Variants in MEI4 observed in about 807,000 individuals in gnomAD.
MEI4 encodes meiosis-specific protein MEI4.
Under a neutral mutation model 31.4 loss-of-function variants are expected in MEI4, and 27 were observed. That is an observed-to-expected ratio of 0.86 (90% CI 0.63 to 1.19). The LOEUF (loss-of-function observed/expected upper bound fraction) is 1.19. MEI4 is among the 50% of genes most tolerant of loss of function. The probability of loss-of-function intolerance (pLI) is 0.00; values close to 1 mark genes in which losing one functional copy is unlikely to be tolerated. For synonymous variants in MEI4, 122 were observed against 145.4 expected, an observed-to-expected ratio of 0.84 and a Z score of 1.16; for missense variants, 329 against 398.9, an observed-to-expected ratio of 0.82 and a Z score of 1.49.
intron 4 of MEI4, among the ~76,000 whole-genome samples, chr6:77,907,724 A>G (rs537730671): frequency 1.1e-4 from 16 of 152,238 alleles, no homozygotes; most frequent in African/African-American, 3.6e-4. Flanking sequence ...TGACTTCCAC[A>G]CTGACTGCCA....
At chr6:77,877,983 T>A (rs1771384947) in intron 4 of MEI4, among the ~76,000 whole-genome samples, 1 of 152,072 alleles carries the variant, frequency 6.6e-6, no homozygotes, top group African/African-American at 2.4e-5. Context: ...TGAAAATAGA[T>A]GGGCAGGAAG....
intron 2 of MEI4, among the ~76,000 whole-genome samples, chr6:77,735,269 A>G (rs1238705300): frequency 1.3e-5 from 2 of 151,886 alleles, no homozygotes; most frequent in African/African-American, 4.8e-5. Context: ...TTTCAGGTAC[A>G]CCAATCAGAC....
At chr6:77,754,759 A>C (rs1461881341) in intron 2 of MEI4, among the ~76,000 whole-genome samples, 3 of 152,164 alleles carry the variant, frequency 2.0e-5, no homozygotes, top group Non-Finnish European at 4.4e-5. Context: ...TCATGGTGGA[A>C]GGGAAAGCAG....
chr6:77,877,952 G>A (rs1771384468), intron 4 of MEI4, among the ~76,000 whole-genome samples: 1 of 152,058 alleles, frequency 6.6e-6, no homozygotes, highest in African/African-American at 2.4e-5. Flanking sequence ...AGATGACCAA[G>A]TCATAATGAG....
At chr6:77,700,583 G>A (rs1330750462) in intron 2 of MEI4, among the ~76,000 whole-genome samples, 2 of 152,188 alleles carry the variant, frequency 1.3e-5, no homozygotes, top group East Asian at 3.9e-4. Context: ...CTCACATACG[G>A]TGTGCTGCAC....
intron 4 of MEI4, among the ~76,000 whole-genome samples, chr6:77,864,973 G>C (rs1323072441): frequency 6.6e-6 from 1 of 152,132 alleles, no homozygotes; most frequent in Non-Finnish European, 1.5e-5. Context: ...ACCTGCTCCT[G>C]AATGACTACT....
chr6:77,862,985 C>T (rs1770907550), intron 4 of MEI4, among the ~76,000 whole-genome samples: 1 of 152,190 alleles, frequency 6.6e-6, no homozygotes, highest in Non-Finnish European at 1.5e-5. Context: ...GGACCTCCAG[C>T]AAACTCCAAC....
At chr6:77,769,929 G>A (rs531050715) in intron 3 of MEI4, among the ~76,000 whole-genome samples, 3 of 152,028 alleles carry the variant, frequency 2.0e-5, no homozygotes, top group East Asian at 3.9e-4. Context: ...ATTCCCAGCT[G>A]TGGTAACTTT....
intron 1 of MEI4, among the ~76,000 whole-genome samples, chr6:77,672,418 C>G (rs549468420): frequency 2.6e-5 from 4 of 152,356 alleles, no homozygotes; most frequent in African/African-American, 9.6e-5. Context: ...GTATTTTAAT[C>G]ACCAGGGTGC....
intron 4 of MEI4, among the ~76,000 whole-genome samples, chr6:77,910,729 G>A (rs1362882821): frequency 6.6e-6 from 1 of 152,022 alleles, no homozygotes; most frequent in African/African-American, 2.4e-5. Context: ...CAGTGAACAT[G>A]GTGATGCAGG....
chr6:77,891,227 T>C (rs557298448), intron 4 of MEI4, among the ~76,000 whole-genome samples: 1 of 152,278 alleles, frequency 6.6e-6, no homozygotes, highest in African/African-American at 2.4e-5. Flanking sequence ...GTTAAATATG[T>C]TTTCTATTAT....
intron 3 of MEI4, among the ~76,000 whole-genome samples, chr6:77,771,977 A>G (rs893165192): frequency 7.9e-5 from 12 of 151,976 alleles, no homozygotes; most frequent in Non-Finnish European, 1.6e-4. Flanking sequence ...AATTCTAATT[A>G]TAGAAATTTA....
At chr6:77,812,848 G>T (rs560839709) in intron 3 of MEI4, among the ~76,000 whole-genome samples, 2 of 152,056 alleles carry the variant, frequency 1.3e-5, no homozygotes, top group South Asian at 4.1e-4. Context: ...ACCTAAGTTT[G>T]TATAGCACCC....
rs1770522879 is a variant in MEI4, at chr6:77,847,735, G to GT, written c.900+18679dup. Among the ~76,000 whole-genome samples the GT allele has an allele frequency of 6.6e-6, 1 of 152,092 alleles. No individual in the cohort carries two copies. The highest frequency in any genetic ancestry group is 1.9e-4 in the East Asian group (1 of 5,172). ...ATAATCCAGTGTTATTTACATGTCT[G>GT]TTTTTTGTATGTACTGAGGTTAGTG... is the stretch of plus-strand genomic sequence containing the variant. On this transcript the variant is annotated intron_variant, in intron 4 of 4. Transcript: ENST00000684080. This position sits in a 1 kb window ranked among gnomAD's most constrained non-coding sequence, Gnocchi z 4.6.
intron 4 of MEI4, among the ~76,000 whole-genome samples, chr6:77,870,116 T>G (rs992198809): frequency 3.9e-5 from 6 of 152,138 alleles, no homozygotes; most frequent in Non-Finnish European, 8.8e-5. Flanking sequence ...ACAATTCAGC[T>G]TATGATTTTT....
intron 2 of MEI4, among the ~76,000 whole-genome samples, chr6:77,751,174 T>A (rs1767763592): frequency 6.6e-6 from 1 of 151,904 alleles, no homozygotes; most frequent in Non-Finnish European, 1.5e-5. Flanking sequence ...AGGAAAGATC[T>A]AAAATCGACA....
At chr6:77,874,953 G>C (rs1232241193) in intron 4 of MEI4, among the ~76,000 whole-genome samples, 1 of 152,140 alleles carries the variant, frequency 6.6e-6, no homozygotes, top group East Asian at 1.9e-4. Context: ...AAGTTTAAAA[G>C]CTTCACCTGC....
chr6:77,813,605 A>G (rs1769624734), intron 3 of MEI4, among the ~76,000 whole-genome samples: 1 of 151,646 alleles, frequency 6.6e-6, no homozygotes, highest in Non-Finnish European at 1.5e-5. Flanking sequence ...TTCCACCATC[A>G]TGTCATCCTA....
chr6:77,674,924 C>T (rs1400727482), intron 1 of MEI4, among the ~76,000 whole-genome samples: 1 of 151,798 alleles, frequency 6.6e-6, no homozygotes, highest in Non-Finnish European at 1.5e-5. Context: ...TATTAATTAC[C>T]TAAATTATAT....
Sources: allele counts gnomAD v4.1 joint callset (sites outside exome capture counted in the v4.1 genomes callset), GRCh38; gene constraint gnomAD v4.1.1; non-coding constraint Gnocchi (gnomAD v3.1); transcripts MANE v1.5; gene names NCBI Gene and HGNC (gene_info 2026-07-23, HGNC 2026-07-21).